The following CPA6 variants were observed in gnomAD, a reference collection of about 807,000 sequenced individuals.
CPA6 encodes carboxypeptidase B.
A neutral mutation model predicts 63.3 loss-of-function variants in CPA6; 58 were observed. The ratio of observed to expected loss-of-function variants is 0.92; its 90% confidence interval spans 0.74 to 1.14. The LOEUF is 1.14. Ranked by LOEUF, CPA6 falls within the 50% of genes most tolerant of loss-of-function variation. The pLI is 0.00. For missense variants in CPA6, 565 were observed against 526.6 expected (o/e 1.07, Z -0.71); for synonymous variants, 185 against 179.0 (o/e 1.03, Z -0.27).
At chr8:67,451,412 G>T (rs1810555180) in intron 8 of CPA6, among the ~76,000 whole-genome samples, 1 of 152,168 alleles carries the variant, frequency 6.6e-6, no homozygotes, top group Non-Finnish European at 1.5e-5. Context: ...CTGATGATCT[G>T]TCACTGTCTC....
intron 2 of CPA6, among the ~76,000 whole-genome samples, chr8:67,562,780 A>C (rs6472320): frequency 0.42 from 63,742 of 152,044 alleles, 15,726 homozygotes; most frequent in Non-Finnish European, 0.55. Context: ...CACTCAATAG[A>C]TGTTGAATCT....
chr8:67,641,483 T>C (rs1393483420), intron 1 of CPA6, among the ~76,000 whole-genome samples: 2 of 152,236 alleles, frequency 1.3e-5, no homozygotes, highest in Non-Finnish European at 2.9e-5. Flanking sequence ...GCAGATTAGA[T>C]GTACCCAGAC....
chr8:67,592,385 G>C (rs977437969), intron 2 of CPA6, among the ~76,000 whole-genome samples: 5 of 152,130 alleles, frequency 3.3e-5, no homozygotes, highest in Non-Finnish European at 2.9e-5. Flanking sequence ...TTGGTATCAG[G>C]ATGATGCTGG....
At chr8:67,447,181 CA>C (rs746862519) in intron 8 of CPA6, among the ~76,000 whole-genome samples, 6 of 151,626 alleles carry the variant, frequency 4.0e-5, no homozygotes, top group Admixed American at 6.6e-5. Context: ...CATAATCGTA[CA>C]ATTTTTTTTG....
At chr8:67,432,118 T>C (rs1810040785) in intron 9 of CPA6, among the ~76,000 whole-genome samples, 1 of 152,216 alleles carries the variant, frequency 6.6e-6, no homozygotes. Flanking sequence ...GACTTGGGGC[T>C]GGAGGCCGCT....
chr8:67,487,990 C>A (rs1811520421), intron 6 of CPA6, among the ~76,000 whole-genome samples: 1 of 152,254 alleles, frequency 6.6e-6, no homozygotes, highest in South Asian at 2.1e-4. Flanking sequence ...ATTTTTCTCC[C>A]ATTTTGTAGG....
chr8:67,741,281 G>A (rs16933569), intron 1 of CPA6, among the ~76,000 whole-genome samples: 5,581 of 152,262 alleles, frequency 0.037, 307 homozygotes, highest in African/African-American at 0.12. Context: ...CCATGATGGT[G>A]GGAAGCCAGT....
intron 1 of CPA6, among the ~76,000 whole-genome samples, chr8:67,673,125 C>CA (rs1816384610): frequency 6.6e-6 from 1 of 152,092 alleles, no homozygotes; most frequent in Admixed American, 6.6e-5. Context: ...CCTCCTTGCT[C>CA]AATGAAAGAG....
chr8:67,681,081 C>T (rs1381206592), intron 1 of CPA6, among the ~76,000 whole-genome samples: 1 of 151,802 alleles, frequency 6.6e-6, no homozygotes, highest in African/African-American at 2.4e-5. Flanking sequence ...CAATGTCTGT[C>T]CAAGAGCAGA....
rs550284079 is a variant in CPA6, at chr8:67,568,743, T to A, written c.193-50696A>T. Among the ~76,000 whole-genome samples the A allele has an allele frequency of 2.0e-5, 3 of 150,934 alleles. No homozygotes were observed. In the East Asian group the frequency reaches 5.8e-4, roughly 29 times the overall value. ...AAGAAAGAGAAAACGGGCCAGGAAG[T>A]TTTTTTTTATTACTTATTTATTTAG... is the stretch of plus-strand genomic sequence containing the variant. On this transcript the variant is annotated intron_variant, in intron 2 of 10. Coordinates refer to ENST00000297770, the MANE Select transcript of CPA6 (RefSeq NM_020361.5).
chr8:67,579,193 C>G (rs1048369290), intron 2 of CPA6, among the ~76,000 whole-genome samples: 2 of 152,170 alleles, frequency 1.3e-5, no homozygotes, highest in African/African-American at 4.8e-5. Flanking sequence ...GGCGGATCAC[C>G]TGAGGTCAGG....
chr8:67,592,630 C>T (rs367704363), intron 2 of CPA6, among the ~76,000 whole-genome samples: 17 of 151,842 alleles, frequency 1.1e-4, no homozygotes, highest in East Asian at 1.9e-4. Context: ...GTGTATGTGT[C>T]GAGGAATTTA....
intron 1 of CPA6, among the ~76,000 whole-genome samples, chr8:67,663,126 A>G (rs996871275): frequency 9.2e-5 from 14 of 152,214 alleles, no homozygotes; most frequent in African/African-American, 2.9e-4. Flanking sequence ...CTTGAAAAAT[A>G]AAAACTAAAT....
chr8:67,449,449 T>C (rs2128955502), intron 8 of CPA6, among the ~76,000 whole-genome samples: 1 of 152,272 alleles, frequency 6.6e-6, no homozygotes, highest in South Asian at 2.1e-4. Context: ...TACTTATTTT[T>C]CCATATAAAC....
At chr8:67,609,549 C>T (rs1352402907) in intron 2 of CPA6, among the ~76,000 whole-genome samples, 1 of 152,126 alleles carries the variant, frequency 6.6e-6, no homozygotes, top group Non-Finnish European at 1.5e-5. Flanking sequence ...AAGTGGTCTC[C>T]TGATTCATAA....
chr8:67,485,535 TTTA>T (rs1322018496), intron 6 of CPA6, among the ~76,000 whole-genome samples: 3 of 152,202 alleles, frequency 2.0e-5, no homozygotes, highest in African/African-American at 7.2e-5. Flanking sequence ...ATTTTTGATG[TTTA>T]TTAAGTTGAG....
intron 1 of CPA6, among the ~76,000 whole-genome samples, chr8:67,651,429 A>G (rs952277190): frequency 1.2e-4 from 18 of 152,026 alleles, no homozygotes; most frequent in Non-Finnish European, 1.8e-4. Context: ...TCTGCCTCAC[A>G]CCACACGCCA....
At chr8:67,617,099 A>G (rs1161172483) in intron 2 of CPA6, among the ~76,000 whole-genome samples, 2 of 152,232 alleles carry the variant, frequency 1.3e-5, no homozygotes, top group Non-Finnish European at 2.9e-5. Flanking sequence ...AAGAAACACG[A>G]TCAGCTTAAA....
At chr8:67,551,449 T>G (rs1270437723) in intron 2 of CPA6, among the ~76,000 whole-genome samples, 3 of 152,330 alleles carry the variant, frequency 2.0e-5, no homozygotes, top group African/African-American at 7.2e-5. Context: ...TGAAATCAGG[T>G]AATGTGAAGC....
Sources: gnomAD v4.1 joint callset for allele counts (sites outside exome capture counted in the v4.1 genomes callset) on GRCh38, gnomAD v4.1.1 for gene constraint, MANE v1.5 for transcripts, NCBI Gene and HGNC (gene_info 2026-07-23, HGNC 2026-07-21) for gene names.